The following PLCB1 variants were observed in gnomAD, a reference collection of about 807,000 sequenced individuals.
The protein encoded by PLCB1 is phospholipase C beta 1, also known as 1-phosphatidylinositol 4,5-bisphosphate phosphodiesterase beta-1.
PLCB1 carries 46 observed loss-of-function variants against 161.8 expected under a neutral mutation model. That is an observed-to-expected ratio of 0.28 (90% CI 0.22 to 0.36). The LOEUF (loss-of-function observed/expected upper bound fraction) is 0.36, where lower values mean the gene tolerates loss of function less well. Among genes scored for constraint, PLCB1 ranks in the 10% least tolerant of loss-of-function variants. The pLI, the probability that PLCB1 is intolerant of heterozygous loss-of-function variation, is 1.00. For missense variants in PLCB1, 1,016 were observed against 1,472.5 expected (o/e 0.69, Z 5.07); for synonymous variants, 517 against 503.7 (o/e 1.03, Z -0.35).
chr20:8,135,678 A>G (rs944079099), intron 1 of PLCB1, among the ~76,000 whole-genome samples: 2 of 152,186 alleles, frequency 1.3e-5, no homozygotes, highest in Non-Finnish European at 2.9e-5. Context: ...TTTAAAACTC[A>G]TGGTGTATAT....
chr20:8,755,279 T>C (rs1182023878), intron 23 of PLCB1, among the ~76,000 whole-genome samples: 2 of 152,242 alleles, frequency 1.3e-5, no homozygotes, highest in African/African-American at 4.8e-5. Flanking sequence ...TTCACTCTTA[T>C]CTTACTTTTT....
intron 2 of PLCB1, among the ~76,000 whole-genome samples, chr20:8,350,949 A>G (rs1020205587): frequency 5.3e-5 from 8 of 152,210 alleles, no homozygotes; most frequent in Non-Finnish European, 1.2e-4. Context: ...CACGGATTCA[A>G]TGTAATCCCA....
intron 31 of PLCB1, among the ~76,000 whole-genome samples, chr20:8,797,170 G>T (rs1984068403): frequency 6.6e-6 from 1 of 152,052 alleles, no homozygotes; most frequent in Non-Finnish European, 1.5e-5. Context: ...ATCTATTGCT[G>T]TTCTTGAGAG....
intron 3 of PLCB1, among the ~76,000 whole-genome samples, chr20:8,554,866 G>T (rs1985899142): frequency 6.6e-6 from 1 of 152,030 alleles, no homozygotes; most frequent in African/African-American, 2.4e-5. Flanking sequence ...TTCAAATTCA[G>T]TGTATGACAA....
At chr20:8,790,924 G>T (rs1983727343) in intron 31 of PLCB1, among the ~76,000 whole-genome samples, 1 of 152,102 alleles carries the variant, frequency 6.6e-6, no homozygotes, top group Non-Finnish European at 1.5e-5. Context: ...TCACTGAATA[G>T]TTTTCTGTTT....
intron 31 of PLCB1, among the ~76,000 whole-genome samples, chr20:8,817,343 G>C (rs1414850251): frequency 1.3e-5 from 2 of 152,114 alleles, no homozygotes; most frequent in African/African-American, 4.8e-5. Context: ...GTGTCAGCTT[G>C]GTAGAACTTG....
intron 2 of PLCB1, among the ~76,000 whole-genome samples, chr20:8,271,612 G>A (rs1982285321): frequency 6.6e-6 from 1 of 151,974 alleles, no homozygotes; most frequent in African/African-American, 2.4e-5. Context: ...ATAATAGCTG[G>A]GTCATAAGAG....
At chr20:8,423,088 C>A (rs1262009283) in intron 3 of PLCB1, among the ~76,000 whole-genome samples, 1 of 152,194 alleles carries the variant, frequency 6.6e-6, no homozygotes, top group Non-Finnish European at 1.5e-5. Context: ...CTGTCATCTA[C>A]AACTTAACCA....
chr20:8,317,367 T>G (rs1424599544), intron 2 of PLCB1, among the ~76,000 whole-genome samples: 1 of 152,116 alleles, frequency 6.6e-6, no homozygotes, highest in Non-Finnish European at 1.5e-5. Context: ...GGGTCATTAT[T>G]TATTTTAGCA....
intron 2 of PLCB1, among the ~76,000 whole-genome samples, chr20:8,360,108 A>C (rs1021062131): frequency 6.6e-6 from 1 of 152,162 alleles, no homozygotes; most frequent in East Asian, 1.9e-4. Flanking sequence ...CCCAACCTCA[A>C]CCTAAGCTAC....
In PLCB1 at chr20:8,365,425, C is replaced by A. The variant is rs1482492731; in HGVS notation, c.178-5957C>A. Among the ~76,000 whole-genome samples, 4 of 152,052 alleles carry A rather than the reference C, an allele frequency of 2.6e-5. No individual in the cohort carries two copies. The East Asian group carries it at 7.7e-4, about 29-fold the overall frequency. On this transcript the variant is annotated intron_variant, in intron 2 of 31. Transcript: ENST00000338037. ...TCCATTGGTGTTTCTTACTGTGGGTCTCCACTGAAAGTTGTGGAAATAAAG... is the reference window on the plus strand; with the variant it reads ...TCCATTGGTGTTTCTTACTGTGGGTATCCACTGAAAGTTGTGGAAATAAAG...
chr20:8,455,857 C>A (rs6055831), intron 3 of PLCB1, among the ~76,000 whole-genome samples: 1 of 152,154 alleles, frequency 6.6e-6, no homozygotes, highest in Non-Finnish European at 1.5e-5. Flanking sequence ...TTCCTATATC[C>A]TCCATAGGCT....
chr20:8,278,077 A>G (rs1483304739), intron 2 of PLCB1, among the ~76,000 whole-genome samples: 5 of 151,944 alleles, frequency 3.3e-5, no homozygotes, highest in Admixed American at 3.3e-4. Flanking sequence ...ATAAGGGTCA[A>G]TGAGGGACTA....
At chr20:8,664,238 C>G (rs1006109196) in intron 9 of PLCB1, among the ~76,000 whole-genome samples, 1 of 152,090 alleles carries the variant, frequency 6.6e-6, no homozygotes, top group Non-Finnish European at 1.5e-5. Context: ...ACAAAAGCGT[C>G]CCCACTTTGT....
intron 31 of PLCB1, among the ~76,000 whole-genome samples, chr20:8,805,306 A>G (rs1248315926): frequency 6.6e-6 from 1 of 152,210 alleles, no homozygotes; most frequent in Non-Finnish European, 1.5e-5. Context: ...AATAAACAAA[A>G]AAGATGTTTG....
At chr20:8,774,497 A>G (rs763191090) in intron 26 of PLCB1, 42 bp from the exon 27 acceptor site, 1 of 1,546,020 alleles carries the variant, frequency 6.5e-7, no homozygotes, top group Non-Finnish European at 8.8e-7. Flanking sequence ...CCACCTTGTT[A>G]TGGCCTGTCT....
chr20:8,419,178 G>T (rs1209062276), intron 3 of PLCB1, among the ~76,000 whole-genome samples: 1 of 152,118 alleles, frequency 6.6e-6, no homozygotes, highest in Non-Finnish European at 1.5e-5. Context: ...GTTAAAAATG[G>T]AAGTTTACTT....
chr20:8,265,678 A>T (rs1981920928), intron 2 of PLCB1, among the ~76,000 whole-genome samples: 1 of 152,222 alleles, frequency 6.6e-6, no homozygotes, highest in Admixed American at 6.5e-5. Flanking sequence ...ATGGTGGAAC[A>T]TAAATACATG....
chr20:8,448,647 G>T (rs1314077757), intron 3 of PLCB1, among the ~76,000 whole-genome samples: 1 of 152,218 alleles, frequency 6.6e-6, no homozygotes, highest in Non-Finnish European at 1.5e-5. Flanking sequence ...TGGAGAGAAT[G>T]TCAATGTGAT....
Sources: allele counts gnomAD v4.1 joint callset (sites outside exome capture counted in the v4.1 genomes callset), GRCh38; gene constraint gnomAD v4.1.1; transcripts MANE v1.5; gene names NCBI Gene and HGNC (gene_info 2026-07-23, HGNC 2026-07-21).